The following NEK9 variants were observed in gnomAD, a reference collection of about 807,000 sequenced individuals.
The protein encoded by NEK9 is serine/threonine-protein kinase Nek9.
In NEK9, 75 loss-of-function variants were observed where a neutral mutation model predicts 123.4. That is an observed-to-expected ratio of 0.61 (90% CI 0.50 to 0.74). The LOEUF is 0.74. Ranked by LOEUF, NEK9 falls within the 30% of genes least tolerant of loss-of-function variation. NEK9 has a pLI of 0.00. For missense variants in NEK9, 952 were observed against 1,214.4 expected (o/e 0.78, Z 3.21); for synonymous variants, 438 against 458.7 (o/e 0.95, Z 0.58).
chr14:75,084,676 T>C lies in NEK9; in HGVS notation c.2828A>G (p.His943Arg), dbSNP rs754880645. The stretch of plus-strand genomic sequence containing the variant: ...CTTTGCTGTCTGAGTTCCTTTGGAA[T>C]GCATCCCCACCTGTCCGGATAAAAC... ...KLEGGQQVGM[H>R]SKGTQTAKEE... Residue 943 changes from histidine (H) to arginine (R), a missense_variant, in exon 22 of 22, where the codon CAT (histidine) becomes CGT (arginine). Coordinates refer to ENST00000238616, the MANE Select transcript of NEK9 (RefSeq NM_033116.6). 4 of 1,614,004 alleles carry C rather than the reference T, an allele frequency of 2.5e-6. No homozygotes were observed. In the African/African-American group the frequency reaches 4.0e-5, roughly 16 times the overall value.
chr14:75,111,916 A>G (rs1015553093), intron 8 of NEK9, among the ~76,000 whole-genome samples: 1 of 152,198 alleles, frequency 6.6e-6, no homozygotes, highest in Non-Finnish European at 1.5e-5. Context: ...ATAAAATAAA[A>G]TAAAATAAAT....
Position 75,117,332 on chromosome 14 carries a change from C to T in NEK9, c.631-6G>A, listed in dbSNP as rs773938489. 1.3e-5 allele frequency: 21 copies of T among 1,595,454 alleles called. No individual in the cohort carries two copies. Among genetic ancestry groups the T allele is most frequent in the African/African-American group, 2.7e-5 (2 of 73,670 alleles). On this transcript the variant is annotated splice_region_variant and splice_polypyrimidine_tract_variant and intron_variant, in intron 5 of 21. Coordinates refer to ENST00000238616, the MANE Select transcript of NEK9 (RefSeq NM_033116.6). The stretch of plus-strand genomic sequence containing the variant: ...TAATATGGGGTTCCCACAAGCTGAG[C>T]AACAAAGAAACAATCAAAGAATAAC...
chr14:75,109,771 T>C lies in NEK9; in HGVS notation c.1096A>G (p.Lys366Glu). ...ACCTGCCGGGCACTACAGCCACTCT[T>C]GATAACATCCAGTTTCTGGGGGGTG... ...KSTPQKLDVI[K>E]SGCSARQVCA... Residue 366 changes from lysine to glutamate, a missense_variant, in exon 10 of 22, where the codon AAG becomes GAG. Around this residue, in one of 4 missense-constraint regions of NEK9, gnomAD observed 698 missense variants for 875.6 expected, o/e 0.80. Coordinates refer to ENST00000238616, the MANE Select transcript of NEK9 (RefSeq NM_033116.6). 1 of 1,614,168 alleles carries C rather than the reference T, an allele frequency of 6.2e-7. No homozygotes were observed. The highest frequency in any genetic ancestry group is 8.5e-7 in the Non-Finnish European group (1 of 1,180,002).
rs1281609167 is a variant in NEK9, at chr14:75,084,401, C to G, written c.*163G>C. On this transcript the variant is annotated 3_prime_UTR_variant, in exon 22 of 22. Coordinates refer to ENST00000238616, the MANE Select transcript of NEK9 (RefSeq NM_033116.6). ...TCACTCCTAGATCCTATCTAAAAGG[C>G]AATGCCACTCTCCAAATGTACAAGG... 10 of 781,200 alleles carry G rather than the reference C, an allele frequency of 1.3e-5. No individual in the cohort carries two copies. Among genetic ancestry groups the G allele is most frequent in the Middle Eastern group, 4.0e-4 (1 of 2,524 alleles). The allele number at this position is 781,200 out of a possible 1,614,324, so 48.4% of individuals were successfully genotyped here. A position where few individuals can be genotyped will look rare whatever the true frequency, so the allele number is the denominator to read the frequency against.
Position 75,082,128 on chromosome 14 carries a change from C to T in NEK9, c.*2436G>A, listed in dbSNP as rs1893883527. On this transcript the variant is annotated 3_prime_UTR_variant, in exon 22 of 22. Transcript: ENST00000238616. ...ACTGAAGCACAGTACTGATTAAGAGCTTAAATGTTTATTTAAAACAGAAAT... is the reference window on the plus strand; with the variant it reads ...ACTGAAGCACAGTACTGATTAAGAGTTTAAATGTTTATTTAAAACAGAAAT... The T allele has an allele frequency of 6.6e-6, 1 of 152,154 alleles. No homozygotes were observed. Among genetic ancestry groups the T allele is most frequent in the Admixed American group, 6.5e-5 (1 of 15,270 alleles). 9.4% of individuals were successfully genotyped at this position (152,154 alleles called of 1,614,324 possible).
At chr14:75,116,816 T>A (rs1895158301) in intron 6 of NEK9, among the ~76,000 whole-genome samples, 1 of 152,088 alleles carries the variant, frequency 6.6e-6, no homozygotes, top group Non-Finnish European at 1.5e-5. Flanking sequence ...AGTGGCATGA[T>A]CTTGGCTCAC....
At chr14:75,089,937 T>C (rs1053972965) in intron 19 of NEK9, among the ~76,000 whole-genome samples, 1 of 152,096 alleles carries the variant, frequency 6.6e-6, no homozygotes, top group Non-Finnish European at 1.5e-5. Flanking sequence ...GACCTTGTGA[T>C]CCGCCCGCCT....
Position 75,126,953 on chromosome 14 carries a change from G to A in NEK9, c.-32C>T, listed in dbSNP as rs1214315768. On this transcript the variant is annotated 5_prime_UTR_variant, in exon 1 of 22. Coordinates refer to ENST00000238616, the MANE Select transcript of NEK9 (RefSeq NM_033116.6). The stretch of plus-strand genomic sequence containing the variant: ...GGCCGCGGGCCTTGGGGACCAGCCT[G>A]CGTATGCCCGGAGGCCCTGGCCGCG... 5 of 1,416,072 alleles carry A rather than the reference G, an allele frequency of 3.5e-6. No homozygotes were observed. Among genetic ancestry groups the A allele is most frequent in the Middle Eastern group, 2.1e-4 (1 of 4,784 alleles). 87.7% of individuals were successfully genotyped at this position (1,416,072 alleles called of 1,614,324 possible).
At position 75,126,730 on chromosome 14, in the gene NEK9, C is replaced by T. The variant is rs1254917888; in HGVS notation, c.192G>A (p.Gly64=). 2 of 1,483,996 alleles carry T rather than the reference C, an allele frequency of 1.3e-6. No individual in the cohort carries two copies. The highest frequency in any genetic ancestry group is 4.9e-5 in the Admixed American group (2 of 40,984). The allele number at this position is 1,483,996 out of a possible 1,614,324, so 91.9% of individuals were successfully genotyped here. The change falls in exon 1 of 22, where the codon GGG becomes GGA. Residue 64 remains glycine, a synonymous_variant. Coordinates refer to ENST00000238616, the MANE Select transcript of NEK9 (RefSeq NM_033116.6). ...PIRVLGRGAF[G]EATLYRRTED... is the part of the protein sequence containing the mutation. ...CGGTGCGGCGGTACAGCGTGGCTTCCCCGAAGGCGCCGCGGCCCAGGACGC... is the reference window on the plus strand; with the variant it reads ...CGGTGCGGCGGTACAGCGTGGCTTCTCCGAAGGCGCCGCGGCCCAGGACGC...
At chr14:75,090,124 T>C (rs1362869748) in intron 19 of NEK9, among the ~76,000 whole-genome samples, 4 of 152,036 alleles carry the variant, frequency 2.6e-5, no homozygotes, top group South Asian at 2.1e-4. Flanking sequence ...TGAGCCACCA[T>C]GCCTGGCCCT....
At chr14:75,113,514 TTTC>T in intron 7 of NEK9, 111 bp from the exon 8 acceptor site, 1 of 752,002 alleles carries the variant, frequency 1.3e-6, no homozygotes, top group Admixed American at 2.5e-5. Context: ...TTAAAAATCA[TTTC>T]TTATGTGATA....
Position 75,123,997 on chromosome 14 carries a change from T to C in NEK9, c.397+49A>G, listed in dbSNP as rs112451547. 9.0e-6 allele frequency: 13 copies of C among 1,438,100 alleles called. No individual in the cohort carries two copies. In the African/African-American group the frequency reaches 9.7e-5, roughly 11 times the overall value. The allele number at this position is 1,438,100 out of a possible 1,614,324, so 89.1% of individuals were successfully genotyped here. A position where few individuals can be genotyped will look rare whatever the true frequency, so the allele number is the denominator to read the frequency against. On this transcript the variant is annotated intron_variant, in intron 2 of 21. Transcript: ENST00000238616. The stretch of plus-strand genomic sequence containing the variant: ...TATATTCTTCTCCTCAACGTAATTA[T>C]GAGTCTAAGAAAGTCTTGCTGGAAA...
At chr14:75,104,268 G>A (rs1354916849) in intron 13 of NEK9, among the ~76,000 whole-genome samples, 2 of 149,876 alleles carry the variant, frequency 1.3e-5, no homozygotes, top group African/African-American at 2.5e-5. Flanking sequence ...AGGTTCAAGC[G>A]ACTTCTCCTG....
Position 75,083,929 on chromosome 14 carries a change from C to G in NEK9, c.*635G>C, listed in dbSNP as rs1893939069. The G allele has an allele frequency of 6.6e-6, 1 of 152,548 alleles. No homozygotes were observed. Among genetic ancestry groups the G allele is most frequent in the African/African-American group, 2.4e-5 (1 of 41,446 alleles). 9.4% of individuals were successfully genotyped at this position (152,548 alleles called of 1,614,324 possible). On this transcript the variant is annotated 3_prime_UTR_variant, in exon 22 of 22. Coordinates refer to ENST00000238616, the MANE Select transcript of NEK9 (RefSeq NM_033116.6). ...TCCTCACTGAAGAAATTTCAATCAA[C>G]CCTCAGAGGAAAAGCAACCTAAGCC...
At position 75,083,613 on chromosome 14, in the gene NEK9, C is replaced by T. The variant is rs1359879317; in HGVS notation, c.*951G>A. The stretch of plus-strand genomic sequence containing the variant: ...GGGGCTGCTGATATCAAGATCAGAA[C>T]CCTAAGAGCCATGAAGGCAGAGGCT... On this transcript the variant is annotated 3_prime_UTR_variant, in exon 22 of 22. Transcript: ENST00000238616. 1 of 152,216 alleles carries T rather than the reference C, an allele frequency of 6.6e-6. No individual in the cohort carries two copies. Among genetic ancestry groups the T allele is most frequent in the Non-Finnish European group, 1.5e-5 (1 of 68,070 alleles). The allele number at this position is 152,216 out of a possible 1,614,324, so 9.4% of individuals were successfully genotyped here. A position where few individuals can be genotyped will look rare whatever the true frequency, so the allele number is the denominator to read the frequency against.
chr14:75,103,735 T>C (rs1159971921), intron 14 of NEK9, 107 bp downstream of exon 14: 6 of 1,255,508 alleles, frequency 4.8e-6, no homozygotes, highest in East Asian at 4.8e-5. Context: ...TATGAGACCA[T>C]AACTAAAGTC....
Position 75,113,371 on chromosome 14 carries a change from A to G in NEK9, c.906T>C (p.Leu302=). ...DPEQRPTADE[L]LDRPLLRKRR... is the part of the protein sequence containing the mutation. ...GTTTCCTGAGAAGAGGGCGATCTAGAAGTTCATCTGCAGTAGGTCTCTGCT... is the reference window on the plus strand; with the variant it reads ...GTTTCCTGAGAAGAGGGCGATCTAGGAGTTCATCTGCAGTAGGTCTCTGCT... Residue 302 remains leucine (L), a synonymous_variant, in exon 8 of 22, where the codon CTT becomes CTC. Transcript: ENST00000238616. 6.2e-7 allele frequency: 1 copy of G among 1,613,840 alleles called. No individual in the cohort carries two copies. Among genetic ancestry groups the G allele is most frequent in the South Asian group, 1.1e-5 (1 of 91,074 alleles).
intron 14 of NEK9, among the ~76,000 whole-genome samples, chr14:75,103,459 A>G (rs1894658032): frequency 1.3e-5 from 2 of 152,214 alleles, no homozygotes; most frequent in African/African-American, 2.4e-5. Flanking sequence ...TATTTGTTGA[A>G]GTATAACACA....
In NEK9 at chr14:75,120,599, T is replaced by C; in HGVS notation, c.454-19A>G. 6.3e-7 allele frequency: 1 copy of C among 1,594,262 alleles called. No individual in the cohort carries two copies. The highest frequency in any genetic ancestry group is 8.6e-7 in the Non-Finnish European group (1 of 1,164,894). On this transcript the variant is annotated intron_variant, in intron 3 of 21. Coordinates refer to ENST00000238616, the MANE Select transcript of NEK9 (RefSeq NM_033116.6). ...CCACCATCTGCAGAGAAAAAATAAA[T>C]ATTTGGATTAGAAACAAAAAGCTCC...
Sources: allele counts gnomAD v4.1 joint callset (sites outside exome capture counted in the v4.1 genomes callset), GRCh38; gene constraint gnomAD v4.1.1; regional missense constraint gnomAD v4.1.1; transcripts MANE v1.5; gene names NCBI Gene and HGNC (gene_info 2026-07-23, HGNC 2026-07-21).